Variants in ACTA2 observed in about 807,000 individuals in gnomAD.
The protein encoded by ACTA2 is actin, aortic smooth muscle.
Under a neutral mutation model 39.5 loss-of-function variants are expected in ACTA2, and 12 were observed. The ratio of observed to expected loss-of-function variants is 0.30; its 90% CI spans 0.19 to 0.49. The LOEUF (loss-of-function observed/expected upper bound fraction) is 0.49, where lower values mean the gene tolerates loss of function less well. Ranked by LOEUF, ACTA2 falls within the 20% of genes least tolerant of loss-of-function variation. The probability of loss-of-function intolerance (pLI) is 0.99; values close to 1 mark genes in which losing one functional copy is unlikely to be tolerated. For missense variants in ACTA2, 236 were observed against 498.8 expected, an observed-to-expected ratio of 0.47 and a Z score of 5.02; for synonymous variants, 158 against 180.6, an observed-to-expected ratio of 0.88 and a Z score of 1.00.
intron 3 of ACTA2, chr10:88,946,754 T>A (rs1285700201): frequency 6.6e-6 from 1 of 152,050 alleles, no homozygotes; most frequent in East Asian, 1.9e-4. Context: ...AATTTTATTA[T>A]TATTATACTT....
rs776167705 is a variant in ACTA2 at position 88,973,296 on chromosome 10, C to G, written c.-24+17643G>C. On this transcript the variant is annotated intron_variant, in intron 1 of 4. Coordinates refer to the ACTA2 transcript ENST00000415557. Reference sequence around the variant, plus strand: ...CTTGGGGATCTCTAGGTCATCATCACCATCTGAACAGCTCTGAGAGAGACA... The same window carrying G: ...CTTGGGGATCTCTAGGTCATCATCAGCATCTGAACAGCTCTGAGAGAGACA... 7 of 1,611,264 alleles carry G rather than the reference C, an allele frequency of 4.3e-6. No homozygotes were observed. The Admixed American group carries it at 1.2e-4, about 27-fold the overall frequency.
In ACTA2 at chr10:88,990,441, C is replaced by A. The variant is rs9658676; in HGVS notation, c.-24+498G>T. 4,944 of 494,206 alleles carry A rather than the reference C, an allele frequency of 0.01. 195 individuals carry two copies. The highest frequency in any genetic ancestry group is 0.083 in the African/African-American group (4,436 of 53,144). 30.6% of individuals were successfully genotyped at this position (494,206 alleles called of 1,614,324 possible). A position where few individuals can be genotyped will look rare whatever the true frequency, so the allele number is the denominator to read the frequency against. ...TCTCGAGGTCCTCACCTGAAGTGAG[C>A]ATGCCAGCCACTGCAGGAACGCCCC... On this transcript the variant is annotated intron_variant, in intron 1 of 4. Coordinates refer to the ACTA2 transcript ENST00000415557. The surrounding 1 kb of genome is among the most constrained non-coding windows in gnomAD (Gnocchi z 4.9).
At chr10:88,978,740 G>C (rs999678034) in intron 1 of ACTA2, among the ~76,000 whole-genome samples, 1 of 152,126 alleles carries the variant, frequency 6.6e-6, no homozygotes, top group African/African-American at 2.4e-5. Context: ...CTGAGAGGGG[G>C]AGTTTATTAA....
rs543809234 is a variant in ACTA2 at position 88,935,121 on chromosome 10, G to A, written c.*102C>T. On this transcript the variant is annotated 3_prime_UTR_variant, in exon 9 of 9. Transcript: ENST00000224784. ...TTATTAAAAAACACATAGGTAACGA[G>A]TCAGAGCTTTGGCTAGGAATGATTT... 1 of 1,530,932 alleles carries A rather than the reference G, an allele frequency of 6.5e-7. No homozygotes were observed. Among genetic ancestry groups the A allele is most frequent in the Admixed American group, 1.7e-5 (1 of 59,108 alleles). 94.8% of individuals were successfully genotyped at this position (1,530,932 alleles called of 1,614,324 possible). A position where few individuals can be genotyped will look rare whatever the true frequency, so the allele number is the denominator to read the frequency against.
intron 1 of ACTA2, among the ~76,000 whole-genome samples, chr10:88,952,113 A>G (rs1287568815): frequency 6.6e-6 from 1 of 152,240 alleles, no homozygotes; most frequent in Non-Finnish European, 1.5e-5. Flanking sequence ...CAAATGACCA[A>G]TGATGTAGAT....
chr10:88,949,977 C>A (rs1846021183), intron 1 of ACTA2, among the ~76,000 whole-genome samples: 1 of 152,036 alleles, frequency 6.6e-6, no homozygotes, highest in Non-Finnish European at 1.5e-5. Context: ...GGATCTTATA[C>A]TTGGATCCTT....
At chr10:88,988,420 T>G (rs1241582137) in intron 1 of ACTA2, among the ~76,000 whole-genome samples, 2 of 6,664 alleles carry the variant, frequency 3.0e-4, no homozygotes, top group Admixed American at 1.6e-3. Flanking sequence ...GTAGAAGTTT[T>G]TTTTTTTTTT....
In ACTA2 at chr10:88,950,930, T is replaced by G. The variant is rs112488887; in HGVS notation, c.-24+1801A>C. Among the ~76,000 whole-genome samples the G allele has an allele frequency of 2.3e-3, 345 of 152,360 alleles. 1 individual carries two copies. The highest frequency in any genetic ancestry group is 4.0e-3 in the Non-Finnish European group (269 of 68,038). On this transcript the variant is annotated intron_variant, in intron 1 of 8. Coordinates refer to ENST00000224784, the MANE Select transcript of ACTA2 (RefSeq NM_001613.4). ...ATCATCATTATTATTACTATCACTGTGTGATTATTTTCATTATCCAGAACT... is the reference window on the plus strand; with the variant it reads ...ATCATCATTATTATTACTATCACTGGGTGATTATTTTCATTATCCAGAACT...
chr10:88,983,713 T>G (rs1399315354), intron 1 of ACTA2, among the ~76,000 whole-genome samples: 2 of 152,138 alleles, frequency 1.3e-5, no homozygotes, highest in African/African-American at 4.8e-5. Flanking sequence ...CTTATTTTTG[T>G]TTATTTTTAA....
chr10:88,957,618 A>T (rs1015346925), upstream of ACTA2, among the ~76,000 whole-genome samples: 12 of 152,150 alleles, frequency 7.9e-5, no homozygotes, highest in African/African-American at 2.7e-4. Context: ...TTAACTGAGG[A>T]CCTTTGCTCA....
chr10:88,971,344 A>G (rs773516795), intron 1 of ACTA2, among the ~76,000 whole-genome samples: 25 of 152,242 alleles, frequency 1.6e-4, no homozygotes, highest in Admixed American at 3.9e-4. Flanking sequence ...ACAAAATGAG[A>G]AAACTTCATG....
chr10:88,940,708 G>T, intron 6 of ACTA2: 1 of 211,598 alleles, frequency 4.7e-6, no homozygotes, highest in Non-Finnish European at 9.7e-6. Context: ...ACTGTTAATA[G>T]CTAACAATTA....
intron 1 of ACTA2, among the ~76,000 whole-genome samples, chr10:88,989,111 C>T (rs1235403572): frequency 6.6e-6 from 1 of 152,118 alleles, no homozygotes; most frequent in Non-Finnish European, 1.5e-5. Flanking sequence ...TTTTTGGCTA[C>T]ATTTTTTTAT....
intron 1 of ACTA2, among the ~76,000 whole-genome samples, chr10:88,957,888 C>G (rs1208116479): frequency 6.6e-6 from 1 of 152,018 alleles, no homozygotes; most frequent in African/African-American, 2.4e-5. Context: ...CTGCCTCAGC[C>G]TCCCAAGTAG....
chr10:88,947,481 G>T, intron 2 of ACTA2, 95 bp from the exon 3 acceptor site: 1 of 1,550,620 alleles, frequency 6.4e-7, no homozygotes. Context: ...GAGATGGGAA[G>T]TTCCTCTTCT....
Position 88,941,346 on chromosome 10 carries a change from T to C in ACTA2, c.499A>G (p.Ile167Val). ...SGDGVTHNVP[I>V]YEGYALPHAI... Reference sequence around the variant, plus strand: ...TGGGGCAAGGCATAGCCCTCATAGATGGGGACATTGTGGGTGACACCATCT... The same window carrying C: ...TGGGGCAAGGCATAGCCCTCATAGACGGGGACATTGTGGGTGACACCATCT... Residue 167 changes from isoleucine (I) to valine (V), a missense_variant, in exon 6 of 9, where the codon ATC becomes GTC. By Grantham distance (29) the Ile-to-Val change is conservative (BLOSUM62 3). Transcript: ENST00000224784. The C allele has an allele frequency of 6.2e-7, 1 of 1,613,840 alleles. No homozygotes were observed. The highest frequency in any genetic ancestry group is 8.5e-7 in the Non-Finnish European group (1 of 1,179,918).
intron 3 of ACTA2, 117 bp downstream of exon 3, chr10:88,947,135 CAAGTAA>C: frequency 7.2e-7 from 1 of 1,379,610 alleles, no homozygotes; most frequent in South Asian, 1.3e-5. Context: ...TGAACATTAA[CAAGTAA>C]AAGTACAGTT....
At chr10:88,948,383 A>G in intron 2 of ACTA2, 1 of 181,676 alleles carries the variant, frequency 5.5e-6, no homozygotes. Flanking sequence ...TATTATGTAA[A>G]ATTGCATTTG....
intron 8 of ACTA2, among the ~76,000 whole-genome samples, chr10:88,936,580 C>G (rs1845744097): frequency 7.3e-6 from 1 of 137,542 alleles, no homozygotes; most frequent in South Asian, 2.8e-4. Context: ...CCTGCCCTCT[C>G]TGTTGCCCCT....
Sources: allele counts gnomAD v4.1 joint callset (sites outside exome capture counted in the v4.1 genomes callset), GRCh38; gene constraint gnomAD v4.1.1; non-coding constraint Gnocchi (gnomAD v3.1); transcripts MANE v1.5; gene names NCBI Gene and HGNC (gene_info 2026-07-23, HGNC 2026-07-21).